The following CREG2 variants were observed in gnomAD, a reference collection of about 807,000 sequenced individuals.
The protein encoded by CREG2 is cellular repressor of E1A stimulated genes 2, also known as protein CREG2.
CREG2 carries 24 observed loss-of-function variants against 26.2 expected under a neutral mutation model. The observed-to-expected ratio is 0.92, with a 90% CI of 0.66 to 1.29. The LOEUF is 1.29. CREG2 is among the 50% of genes most tolerant of loss of function. CREG2 has a pLI of 0.00. For synonymous variants in CREG2, 174 were observed against 169.2 expected (o/e 1.03, Z -0.22); for missense variants, 366 against 398.6 (o/e 0.92, Z 0.70).
chr2:101,353,912 C>T (rs147972541), intron 3 of CREG2, among the ~76,000 whole-genome samples: 1 of 152,092 alleles, frequency 6.6e-6, no homozygotes, highest in Non-Finnish European at 1.5e-5. Context: ...GGGAGTTGAA[C>T]AATGAGAACA....
intron 2 of CREG2, among the ~76,000 whole-genome samples, chr2:101,358,327 T>C (rs933100911): frequency 6.6e-6 from 1 of 152,210 alleles, no homozygotes; most frequent in African/African-American, 2.4e-5. Context: ...TATCCCAGAC[T>C]CCACCTCTCC....
chr2:101,376,533 G>T (rs1684793780), intron 2 of CREG2, among the ~76,000 whole-genome samples: 1 of 152,074 alleles, frequency 6.6e-6, no homozygotes, highest in Admixed American at 6.5e-5. Context: ...GCCTGCCTCG[G>T]CCTCCCAAAT....
chr2:101,353,557 G>A (rs1023962424), intron 3 of CREG2, among the ~76,000 whole-genome samples: 7 of 152,170 alleles, frequency 4.6e-5, no homozygotes, highest in African/African-American at 7.2e-5. Flanking sequence ...ACAATATGGC[G>A]ATTCCTTAAG....
In CREG2 at chr2:101,383,667, G is replaced by A. The variant is rs1397584719; in HGVS notation, c.477C>T (p.Val159=). ...QGLPFGNCLP[V]SDGPFNNSTG... is the part of the protein sequence containing the mutation. The stretch of plus-strand genomic sequence containing the variant: ...TGCTATTGTTGAAGGGGCCATCACT[G>A]ACGGGCAGGCAGTTCCCAAATGGCA... Residue 159 remains valine, a synonymous_variant, in exon 2 of 4, where the codon GTC becomes GTT. Coordinates refer to ENST00000324768, the MANE Select transcript of CREG2 (RefSeq NM_153836.4). 6.2e-7 allele frequency: 1 copy of A among 1,611,880 alleles called. No homozygotes were observed.
chr2:101,357,425 T>G (rs1684478254), intron 2 of CREG2, among the ~76,000 whole-genome samples: 1 of 152,130 alleles, frequency 6.6e-6, no homozygotes, highest in South Asian at 2.1e-4. Flanking sequence ...CAAATGTCAT[T>G]TAGAGACTGG....
chr2:101,372,190 T>C (rs755951250), intron 2 of CREG2, among the ~76,000 whole-genome samples: 1 of 152,146 alleles, frequency 6.6e-6, no homozygotes, highest in Non-Finnish European at 1.5e-5. Flanking sequence ...GTATATGTGG[T>C]CACGTGTTAC....
chr2:101,366,522 T>G (rs1684620071), intron 2 of CREG2, among the ~76,000 whole-genome samples: 1 of 151,692 alleles, frequency 6.6e-6, no homozygotes, highest in Admixed American at 6.6e-5. Context: ...CAGTACAAAA[T>G]AAGAAAATAA....
Position 101,387,451 on chromosome 2 carries a change from C to G in CREG2, c.7G>C (p.Val3Leu). 8.4e-7 allele frequency: 1 copy of G among 1,195,618 alleles called. No individual in the cohort carries two copies. The highest frequency in any genetic ancestry group is 1.1e-6 in the Non-Finnish European group (1 of 949,024). The allele number at this position is 1,195,618 out of a possible 1,614,324, so 74.1% of individuals were successfully genotyped here. Residue 3 changes from valine to leucine, a missense_variant, in exon 1 of 4, where the codon GTG becomes CTG. Val to Leu is a conservative substitution (Grantham distance 32). Transcript: ENST00000324768. This position sits in a 1 kb window ranked among gnomAD's most constrained non-coding sequence, Gnocchi z 4.7. ...CGCGCCGGCCGCCGGCCGCGGCGCA[C>G]GGACATCTTGCAGGCAGCACGCCCG... Reference protein sequence around the residue: MSVRRGRRPARPG... With the variant: MSLRRGRRPARPG...
At chr2:101,360,669 C>T (rs189361754) in intron 2 of CREG2, among the ~76,000 whole-genome samples, 17 of 150,842 alleles carry the variant, frequency 1.1e-4, no homozygotes, top group Admixed American at 7.3e-4. Flanking sequence ...ACCTGGGAGA[C>T]GGAAGTTGCA....
intron 1 of CREG2, among the ~76,000 whole-genome samples, chr2:101,385,896 C>T (rs1684960635): frequency 6.6e-6 from 1 of 152,204 alleles, no homozygotes; most frequent in Non-Finnish European, 1.5e-5. Context: ...ATCTCTAATA[C>T]ATTGGCACGA....
At chr2:101,371,499 T>G (rs2104479569) in intron 2 of CREG2, among the ~76,000 whole-genome samples, 1 of 152,330 alleles carries the variant, frequency 6.6e-6, no homozygotes, top group Admixed American at 6.5e-5. Context: ...GATATGGTCA[T>G]GAAGACTAAC....
At chr2:101,362,759 C>T (rs1684561263) in intron 2 of CREG2, among the ~76,000 whole-genome samples, 2 of 152,224 alleles carry the variant, frequency 1.3e-5, no homozygotes, top group Non-Finnish European at 2.9e-5. Context: ...CTCCCCCTTT[C>T]ACCTGACTTT....
chr2:101,360,415 A>G (rs1364186551), intron 2 of CREG2, among the ~76,000 whole-genome samples: 1 of 152,172 alleles, frequency 6.6e-6, no homozygotes, highest in South Asian at 2.1e-4. Context: ...ATCAAGAAAA[A>G]TATGTGCTGT....
intron 2 of CREG2, among the ~76,000 whole-genome samples, chr2:101,366,388 C>A (rs188724259): frequency 1.6e-4 from 24 of 152,116 alleles, no homozygotes; most frequent in African/African-American, 5.6e-4. Context: ...TCCCTGATTT[C>A]TCTGAATGAA....
At chr2:101,381,066 G>A (rs369720092) in intron 2 of CREG2, among the ~76,000 whole-genome samples, 2 of 152,276 alleles carry the variant, frequency 1.3e-5, no homozygotes, top group Admixed American at 1.3e-4. Flanking sequence ...CGTTATCATC[G>A]TAAGACATGG....
chr2:101,351,341 C>A (rs1684378999), intron 3 of CREG2, among the ~76,000 whole-genome samples: 1 of 152,166 alleles, frequency 6.6e-6, no homozygotes, highest in East Asian at 1.9e-4. Context: ...GCTGTGACGC[C>A]AGTGGGCTGT....
chr2:101,381,604 A>G (rs1022892708), intron 2 of CREG2, among the ~76,000 whole-genome samples: 1 of 152,232 alleles, frequency 6.6e-6, no homozygotes, highest in African/African-American at 2.4e-5. Flanking sequence ...AATACTTCAG[A>G]AGCTTAAACA....
At chr2:101,360,342 A>G (rs1243550573) in intron 2 of CREG2, among the ~76,000 whole-genome samples, 1 of 152,212 alleles carries the variant, frequency 6.6e-6, no homozygotes, top group African/African-American at 2.4e-5. Flanking sequence ...CTGGACATGC[A>G]CTGAGGTTAC....
In CREG2 at chr2:101,387,421, C is replaced by A. The variant is rs1395467538; in HGVS notation, c.37G>T (p.Gly13Trp). Residue 13 changes from glycine to tryptophan, a missense_variant, in exon 1 of 4, where the codon GGG becomes TGG. Transcript: ENST00000324768. This position sits in a 1 kb window ranked among gnomAD's most constrained non-coding sequence, Gnocchi z 4.7. Reference sequence around the variant, plus strand: ...CACAGCAGCCAGGAGAGGCGGGTCCCCGGCCGCGCCGGCCGCCGGCCGCGG... The same window carrying A: ...CACAGCAGCCAGGAGAGGCGGGTCCACGGCCGCGCCGGCCGCCGGCCGCGG... Reference protein sequence around the residue: ...VRRGRRPARPGTRLSWLLCCS... With the variant: ...VRRGRRPARPWTRLSWLLCCS... 7.9e-7 allele frequency: 1 copy of A among 1,257,878 alleles called. No individual in the cohort carries two copies. Among genetic ancestry groups the A allele is most frequent in the South Asian group, 2.8e-5 (1 of 35,832 alleles). The allele number at this position is 1,257,878 out of a possible 1,614,324, so 77.9% of individuals were successfully genotyped here. A position where few individuals can be genotyped will look rare whatever the true frequency, so the allele number is the denominator to read the frequency against.
Sources: gnomAD v4.1 joint callset for allele counts (sites outside exome capture counted in the v4.1 genomes callset) on GRCh38, gnomAD v4.1.1 for gene constraint, Gnocchi (gnomAD v3.1) non-coding constraint, MANE v1.5 for transcripts, NCBI Gene and HGNC (gene_info 2026-07-23, HGNC 2026-07-21) for gene names.